The following MACROD2 variants were observed in gnomAD, a reference collection of about 807,000 sequenced individuals.
MACROD2 encodes ADP-ribose glycohydrolase MACROD2.
A neutral mutation model predicts 70.4 loss-of-function variants in MACROD2; 36 were observed. The ratio of observed to expected loss-of-function variants is 0.51; its 90% CI spans 0.39 to 0.68. The LOEUF is 0.68. MACROD2 is among the 30% of genes least tolerant of loss of function. MACROD2 has a pLI of 0.00. For missense variants in MACROD2, 496 were observed against 538.4 expected, an observed-to-expected ratio of 0.92 and a Z score of 0.78; for synonymous variants, 172 against 178.8, an observed-to-expected ratio of 0.96 and a Z score of 0.30.
At chr20:14,067,408 A>G (rs908481371) in intron 2 of MACROD2, among the ~76,000 whole-genome samples, 12 of 152,316 alleles carry the variant, frequency 7.9e-5, no homozygotes, top group African/African-American at 2.9e-4. Context: ...GGCATGAGCC[A>G]CTGCACTCAG....
chr20:14,782,807 A>G (rs2072318569), intron 5 of MACROD2, among the ~76,000 whole-genome samples: 1 of 152,116 alleles, frequency 6.6e-6, no homozygotes, highest in Non-Finnish European at 1.5e-5. Context: ...TCTGTACTCC[A>G]GTCTCTATCC....
intron 5 of MACROD2, among the ~76,000 whole-genome samples, chr20:15,091,609 G>C (rs1026747866): frequency 6.6e-6 from 1 of 151,968 alleles, no homozygotes; most frequent in Admixed American, 6.6e-5. Flanking sequence ...GGGAACCCAC[G>C]TCACTAAGAG....
intron 5 of MACROD2, among the ~76,000 whole-genome samples, chr20:15,126,309 C>T (rs1461621963): frequency 1.3e-5 from 2 of 151,744 alleles, no homozygotes; most frequent in East Asian, 3.9e-4. Flanking sequence ...TCAGCAGCAG[C>T]GACGTATGCA....
At chr20:14,530,195 G>T (rs919790059) in intron 4 of MACROD2, among the ~76,000 whole-genome samples, 1 of 152,162 alleles carries the variant, frequency 6.6e-6, no homozygotes, top group African/African-American at 2.4e-5. Context: ...AATGTCCCCA[G>T]GGCCCTTGTG....
chr20:15,100,279 G>T (rs540218092), intron 5 of MACROD2, among the ~76,000 whole-genome samples: 3 of 151,888 alleles, frequency 2.0e-5, no homozygotes, highest in East Asian at 3.9e-4. Flanking sequence ...TGATAGATTT[G>T]TTGAGGTATT....
intron 5 of MACROD2, among the ~76,000 whole-genome samples, chr20:15,131,750 G>A (rs901307556): frequency 6.6e-6 from 1 of 151,850 alleles, no homozygotes; most frequent in African/African-American, 2.4e-5. Context: ...AATCACCAAG[G>A]GGAAAACATG....
At chr20:14,570,687 G>C (rs573670764) in intron 4 of MACROD2, among the ~76,000 whole-genome samples, 2 of 151,924 alleles carry the variant, frequency 1.3e-5, no homozygotes, top group Non-Finnish European at 2.9e-5. Context: ...AGTTATCACA[G>C]TGTTTCAAAC....
chr20:15,873,885 G>A (rs908797423), intron 9 of MACROD2, among the ~76,000 whole-genome samples: 10 of 151,938 alleles, frequency 6.6e-5, no homozygotes, highest in African/African-American at 2.4e-4. Context: ...ATTGTTTCTA[G>A]TTCTCCTCTT....
At chr20:15,288,524 T>G (rs1250846746) in intron 6 of MACROD2, among the ~76,000 whole-genome samples, 1 of 152,148 alleles carries the variant, frequency 6.6e-6, no homozygotes, top group African/African-American at 2.4e-5. Context: ...AGATCCACCC[T>G]TATTAAGTGT....
At chr20:15,132,063 A>G (rs1028052984) in intron 5 of MACROD2, among the ~76,000 whole-genome samples, 3 of 152,040 alleles carry the variant, frequency 2.0e-5, no homozygotes, top group African/African-American at 4.8e-5. Context: ...AAATAAAACT[A>G]AAATTCATAA....
intron 12 of MACROD2, among the ~76,000 whole-genome samples, chr20:15,957,992 A>C (rs2066001491): frequency 6.6e-6 from 1 of 152,208 alleles, no homozygotes; most frequent in African/African-American, 2.4e-5. Flanking sequence ...TAAGGACCAC[A>C]AAATAAGAGG....
chr20:14,230,669 CTATATATATATATA>C lies in MACROD2; in HGVS notation c.271+144959_271+144972del, dbSNP rs71190120. Among the ~76,000 whole-genome samples the C allele has an allele frequency of 2.2e-3, 200 of 92,920 alleles. 17 individuals carry two copies. In the East Asian group the frequency reaches 0.037, roughly 17 times the overall value. The allele number at this position is 92,920 out of a possible 152,430, so 61.0% of individuals were successfully genotyped here. A position where few individuals can be genotyped will look rare whatever the true frequency, so the allele number is the denominator to read the frequency against. ...TATATATATATAACACAGGCTGGGCCTATATATATATATATATATATATATATATATGGGCCCAG... is the reference window on the plus strand; with the variant it reads ...TATATATATATAACACAGGCTGGGCCTATATATATATATATATGGGCCCAG... On this transcript the variant is annotated intron_variant, in intron 3 of 17. Transcript: ENST00000684519.
chr20:14,531,309 A>T (rs190870024), intron 4 of MACROD2, among the ~76,000 whole-genome samples: 29 of 152,300 alleles, frequency 1.9e-4, no homozygotes, highest in Non-Finnish European at 4.1e-4. Context: ...TCAGATGTAC[A>T]TTTGAAACAC....
chr20:15,443,764 A>G (rs1368947442), intron 7 of MACROD2, among the ~76,000 whole-genome samples: 1 of 152,134 alleles, frequency 6.6e-6, no homozygotes, highest in African/African-American at 2.4e-5. Context: ...TAAAAAATAC[A>G]TAAGCAGCTC....
intron 8 of MACROD2, among the ~76,000 whole-genome samples, chr20:15,557,495 G>GT (rs200885360): frequency 6.6e-6 from 1 of 152,186 alleles, no homozygotes; most frequent in Admixed American, 6.5e-5. Context: ...ATAATCTTTT[G>GT]TTTTTTCCCC....
intron 5 of MACROD2, among the ~76,000 whole-genome samples, chr20:14,760,770 C>G (rs1232656098): frequency 6.6e-6 from 1 of 152,074 alleles, no homozygotes. Context: ...TCCTCTTCTT[C>G]CCTTTACCAG....
At chr20:14,050,511 T>A (rs144554554) in intron 2 of MACROD2, among the ~76,000 whole-genome samples, 30 of 152,212 alleles carry the variant, frequency 2.0e-4, no homozygotes, top group African/African-American at 7.2e-4. Context: ...GACAGACGTG[T>A]AGATCTATAG....
chr20:14,226,376 G>A (rs1394991037), intron 3 of MACROD2, among the ~76,000 whole-genome samples: 5 of 152,202 alleles, frequency 3.3e-5, no homozygotes, highest in African/African-American at 1.2e-4. Context: ...GCTCGCTCTC[G>A]GCGCCTCCTC....
chr20:15,803,666 C>T (rs1277148834), intron 8 of MACROD2, among the ~76,000 whole-genome samples: 1 of 152,192 alleles, frequency 6.6e-6, no homozygotes, highest in Non-Finnish European at 1.5e-5. Flanking sequence ...TCTTCCTTCT[C>T]CACTAGCTAT....
Sources: allele counts gnomAD v4.1 joint callset (sites outside exome capture counted in the v4.1 genomes callset), GRCh38; gene constraint gnomAD v4.1.1; transcripts MANE v1.5; gene names NCBI Gene and HGNC (gene_info 2026-07-23, HGNC 2026-07-21).